Variants in COL26A1 observed in about 807,000 individuals in gnomAD.
COL26A1 encodes the protein collagen alpha-1(XXVI) chain.
A neutral mutation model predicts 59.3 loss-of-function variants in COL26A1; 41 were observed. The ratio of observed to expected loss-of-function variants is 0.69; its 90% confidence interval spans 0.54 to 0.90. The LOEUF is 0.90. COL26A1 is among the 40% of genes least tolerant of loss of function. The pLI, the probability that COL26A1 is intolerant of heterozygous loss-of-function variation, is 0.00. For synonymous variants in COL26A1, 266 were observed against 256.0 expected (o/e 1.04, Z -0.37); for missense variants, 612 against 602.3 (o/e 1.02, Z -0.17).
intron 3 of COL26A1, among the ~76,000 whole-genome samples, chr7:101,485,492 C>A (rs1013807928): frequency 2.0e-5 from 3 of 152,182 alleles, no homozygotes; most frequent in Non-Finnish European, 4.4e-5. Flanking sequence ...CGCTTGTGAG[C>A]TAATGGACCA....
chr7:101,436,542 A>G (rs1329697261), intron 2 of COL26A1, among the ~76,000 whole-genome samples: 1 of 151,978 alleles, frequency 6.6e-6, no homozygotes. Context: ...CTGGGCTGGC[A>G]GAGTCATTCT....
chr7:101,489,695 TTCTGTC>T (rs1563007525), intron 3 of COL26A1, among the ~76,000 whole-genome samples: 1 of 17,412 alleles, frequency 5.7e-5, no homozygotes, highest in African/African-American at 1.6e-4. Flanking sequence ...CTTTCTTTCT[TTCTGTC>T]TTTCTTTCTT....
chr7:101,500,469 A>G (rs1172492961), intron 3 of COL26A1, among the ~76,000 whole-genome samples: 2 of 152,176 alleles, frequency 1.3e-5, no homozygotes, highest in African/African-American at 4.8e-5. Context: ...TGTTCATTAC[A>G]CTGGACAGGA....
At chr7:101,524,926 A>G (rs908610760) in intron 3 of COL26A1, among the ~76,000 whole-genome samples, 8 of 152,156 alleles carry the variant, frequency 5.3e-5, no homozygotes, top group African/African-American at 1.9e-4. Context: ...GCAGAGAGGG[A>G]GAAAAACAGA....
chr7:101,450,896 GTTA>G (rs1793319643), intron 3 of COL26A1, among the ~76,000 whole-genome samples: 2 of 144,370 alleles, frequency 1.4e-5, no homozygotes, highest in Admixed American at 7.0e-5. Flanking sequence ...TATTGAATGC[GTTA>G]TTAATAATTT....
chr7:101,466,392 A>C (rs1793758275), intron 3 of COL26A1, among the ~76,000 whole-genome samples: 1 of 152,108 alleles, frequency 6.6e-6, no homozygotes, highest in African/African-American at 2.4e-5. Flanking sequence ...AGCACTAGGC[A>C]CAATAGTGTT....
At chr7:101,434,477 G>T (rs994518216) in intron 2 of COL26A1, among the ~76,000 whole-genome samples, 1 of 151,702 alleles carries the variant, frequency 6.6e-6, no homozygotes, top group African/African-American at 2.4e-5. Flanking sequence ...GCCCAGGCTG[G>T]TCTTGAACTC....
chr7:101,383,479 G>A (rs1030751459), intron 1 of COL26A1, among the ~76,000 whole-genome samples: 1 of 152,026 alleles, frequency 6.6e-6, no homozygotes. Flanking sequence ...TGATTATCCT[G>A]CCTCAGCCTC....
chr7:101,424,321 G>A (rs181543070), intron 2 of COL26A1, among the ~76,000 whole-genome samples: 67 of 152,290 alleles, frequency 4.4e-4, no homozygotes, highest in African/African-American at 1.5e-3. Context: ...GAATGGGCCG[G>A]GTGTGGTGGC....
At chr7:101,434,345 C>T (rs1584404269) in intron 2 of COL26A1, among the ~76,000 whole-genome samples, 1 of 151,922 alleles carries the variant, frequency 6.6e-6, no homozygotes, top group Non-Finnish European at 1.5e-5. Flanking sequence ...CCTCCAACTC[C>T]TGGTCTCCAG....
chr7:101,524,469 C>T (rs1024623794), intron 3 of COL26A1, among the ~76,000 whole-genome samples: 4 of 152,160 alleles, frequency 2.6e-5, no homozygotes, highest in African/African-American at 7.2e-5. Context: ...CAGCGTAACA[C>T]ACCAACCCAG....
At chr7:101,435,956 G>A (rs1423604360) in intron 2 of COL26A1, among the ~76,000 whole-genome samples, 6 of 152,156 alleles carry the variant, frequency 3.9e-5, no homozygotes, top group South Asian at 2.1e-4. Context: ...ATGGATGCCC[G>A]CAAGGCAACA....
intron 3 of COL26A1, among the ~76,000 whole-genome samples, chr7:101,470,395 C>T (rs12667983): frequency 0.078 from 11,892 of 151,842 alleles, 711 homozygotes; most frequent in East Asian, 0.3. Flanking sequence ...CGCCCAGCCC[C>T]GGGTAGCCCT....
At chr7:101,369,970 C>T (rs982289948) in intron 1 of COL26A1, among the ~76,000 whole-genome samples, 1 of 152,128 alleles carries the variant, frequency 6.6e-6, no homozygotes, top group African/African-American at 2.4e-5. Flanking sequence ...TCAAGCGATT[C>T]TCCTGCTTCA....
intron 1 of COL26A1, among the ~76,000 whole-genome samples, chr7:101,394,186 C>T (rs1056881997): frequency 1.3e-5 from 2 of 151,982 alleles, no homozygotes; most frequent in African/African-American, 4.8e-5. Flanking sequence ...GGAGATGTTA[C>T]CATGGAAACC....
intron 3 of COL26A1, among the ~76,000 whole-genome samples, chr7:101,463,800 T>TTC (rs1793681995): frequency 1.6e-5 from 2 of 128,102 alleles, no homozygotes; most frequent in African/African-American, 2.9e-5. Flanking sequence ...TTTCTTTCTC[T>TTC]CTCTCTTTCT....
At chr7:101,451,394 T>C (rs943725544) in intron 3 of COL26A1, among the ~76,000 whole-genome samples, 2 of 147,198 alleles carry the variant, frequency 1.4e-5, no homozygotes, top group African/African-American at 4.9e-5. Flanking sequence ...ATTTAAATTA[T>C]AATTTATATT....
rs544781979 is a variant in COL26A1, at chr7:101,527,331, A to C, written c.386-5751A>C. 4.1e-5 allele frequency among the ~76,000 whole-genome samples: 6 copies of C among 146,948 alleles called. 1 individual carries two copies. The highest frequency in any genetic ancestry group is 2.0e-4 in the Admixed American group (3 of 14,732). ...TCTTTTCTTTTTCTTTTTTCTTTTT[A>C]TTTTTTTCTCTTTTTGAGATGGAGT... On this transcript the variant is annotated intron_variant, in intron 3 of 12. Transcript: ENST00000313669.
chr7:101,505,445 T>C (rs1794793757), intron 3 of COL26A1, among the ~76,000 whole-genome samples: 1 of 151,844 alleles, frequency 6.6e-6, no homozygotes, highest in East Asian at 1.9e-4. Flanking sequence ...TATGTGTGTA[T>C]ACTTTTTTTT....
Sources: gnomAD v4.1 joint callset for allele counts (sites outside exome capture counted in the v4.1 genomes callset) on GRCh38, gnomAD v4.1.1 for gene constraint, MANE v1.5 for transcripts, NCBI Gene and HGNC (gene_info 2026-07-23, HGNC 2026-07-21) for gene names.